TDRD3: variants seen among roughly 807,000 people sequenced by gnomAD.
TDRD3 encodes the protein tudor domain-containing protein 3.
Under a neutral mutation model 86.7 loss-of-function variants are expected in TDRD3, and 45 were observed. The ratio of observed to expected loss-of-function variants is 0.52; its 90% CI spans 0.41 to 0.67. The LOEUF is 0.67. TDRD3 is among the 30% of genes least tolerant of loss of function. The pLI is 0.00. For synonymous variants in TDRD3, 298 were observed against 301.7 expected, an observed-to-expected ratio of 0.99 and a Z score of 0.13; for missense variants, 814 against 889.0, an observed-to-expected ratio of 0.92 and a Z score of 1.07.
chr13:60,553,847 T>A (rs777303985), intron 12 of TDRD3, among the ~76,000 whole-genome samples: 8 of 151,984 alleles, frequency 5.3e-5, no homozygotes, highest in Non-Finnish European at 1.2e-4. Context: ...GGACACAGAG[T>A]CAAACTATAT....
At position 60,485,774 on chromosome 13, in the gene TDRD3, G is replaced by C. The variant is rs368978903; in HGVS notation, c.568-25G>C. 168 of 1,537,360 alleles carry C rather than the reference G, an allele frequency of 1.1e-4. 1 individual carries two copies. Among genetic ancestry groups the C allele is most frequent in the Middle Eastern group, 7.1e-4 (4 of 5,644 alleles). On this transcript the variant is annotated intron_variant, in intron 6 of 13. Coordinates refer to ENST00000377881, the MANE Select transcript of TDRD3 (RefSeq NM_001146070.2). Reference sequence around the variant, plus strand: ...GAATCTCTTTTGGAACTACTAAGTTGACTTATTCTTACTTGTTTTACTAGA... The same window carrying C: ...GAATCTCTTTTGGAACTACTAAGTTCACTTATTCTTACTTGTTTTACTAGA...
At chr13:60,489,600 C>A (rs533186834) in intron 7 of TDRD3, among the ~76,000 whole-genome samples, 2 of 152,186 alleles carry the variant, frequency 1.3e-5, no homozygotes, top group South Asian at 4.1e-4. Flanking sequence ...ATGGTACCTA[C>A]TTCATATGTG....
At chr13:60,520,419 G>T (rs1204963893) in intron 10 of TDRD3, among the ~76,000 whole-genome samples, 1 of 152,130 alleles carries the variant, frequency 6.6e-6, no homozygotes, top group Non-Finnish European at 1.5e-5. Context: ...TCTAGCCCAA[G>T]ATCTTTGTAT....
At position 60,441,902 on chromosome 13, in the gene TDRD3, C is replaced by T. The variant is rs150499727; in HGVS notation, c.126+2130C>T. Among the ~76,000 whole-genome samples, 844 of 152,154 alleles carry T rather than the reference C, an allele frequency of 5.5e-3. 4 individuals are homozygous for T. The highest frequency in any genetic ancestry group is 0.024 in the Middle Eastern group (7 of 294). ...CGCAAAGGTACCAGAATTTCAGATC[C>T]CTCCCAGAAAACAGATGTCCACCAT... On this transcript the variant is annotated intron_variant, in intron 2 of 13. Transcript: ENST00000377881.
At chr13:60,458,788 G>A (rs1374490476) in intron 3 of TDRD3, among the ~76,000 whole-genome samples, 1 of 152,140 alleles carries the variant, frequency 6.6e-6, no homozygotes, top group Non-Finnish European at 1.5e-5. Context: ...ATAGCTACAT[G>A]TGGCTGGAGG....
intron 10 of TDRD3, among the ~76,000 whole-genome samples, chr13:60,514,352 G>A (rs1957124446): frequency 6.6e-6 from 1 of 152,134 alleles, no homozygotes; most frequent in Admixed American, 6.6e-5. Flanking sequence ...ATAAAAGTTT[G>A]GAAAATTTAT....
At chr13:60,479,417 A>AT (rs1031280381) in intron 5 of TDRD3, among the ~76,000 whole-genome samples, 5 of 152,190 alleles carry the variant, frequency 3.3e-5, no homozygotes, top group African/African-American at 9.7e-5. Flanking sequence ...GTGGCCAAGC[A>AT]TTTGGTCAAT....
intron 1 of TDRD3, 120 bp from the exon 2 acceptor site, chr13:60,439,568 C>G (rs1566192142): frequency 1.5e-6 from 1 of 677,594 alleles, no homozygotes; most frequent in Non-Finnish European, 2.5e-6. Flanking sequence ...ATCCAAGACT[C>G]TTTCCCTAGT....
At chr13:60,567,450 G>A in intron 12 of TDRD3, 75 bp from the exon 13 acceptor site, 10 of 1,590,454 alleles carry the variant, frequency 6.3e-6, no homozygotes, top group East Asian at 2.2e-5. Context: ...ATTAAAATAG[G>A]GACCATACAA....
chr13:60,473,777 C>T (rs1012858648), intron 5 of TDRD3, among the ~76,000 whole-genome samples: 1 of 152,174 alleles, frequency 6.6e-6, no homozygotes, highest in African/African-American at 2.4e-5. Context: ...GCTCCCTGGT[C>T]TAGCGGACAA....
intron 10 of TDRD3, among the ~76,000 whole-genome samples, chr13:60,524,425 T>G (rs1957359908): frequency 6.6e-6 from 1 of 151,488 alleles, no homozygotes; most frequent in Admixed American, 6.6e-5. Context: ...GATAATCACT[T>G]GAACCCGGGA....
chr13:60,445,116 G>A (rs1955369382), intron 3 of TDRD3, among the ~76,000 whole-genome samples: 1 of 151,920 alleles, frequency 6.6e-6, no homozygotes, highest in Non-Finnish European at 1.5e-5. Context: ...TTTATTTAAT[G>A]AACTTATTAT....
At chr13:60,465,021 A>G (rs1009353431) in intron 4 of TDRD3, among the ~76,000 whole-genome samples, 2 of 152,196 alleles carry the variant, frequency 1.3e-5, no homozygotes, top group Non-Finnish European at 2.9e-5. Flanking sequence ...ATCATTACAC[A>G]TTGTATATAT....
chr13:60,492,008 CA>C (rs1394410266), intron 7 of TDRD3, among the ~76,000 whole-genome samples: 2 of 151,802 alleles, frequency 1.3e-5, no homozygotes, highest in Non-Finnish European at 1.5e-5. Context: ...ATAATATGAG[CA>C]AAAAGATGTG....
intron 13 of TDRD3, among the ~76,000 whole-genome samples, chr13:60,572,519 AAG>A (rs1449024732): frequency 6.6e-6 from 1 of 152,174 alleles, no homozygotes; most frequent in Non-Finnish European, 1.5e-5. Context: ...CTGCTGTGAA[AAG>A]AGAGATGGCA....
chr13:60,487,401 G>A (rs1053780276), intron 7 of TDRD3, among the ~76,000 whole-genome samples: 6 of 152,032 alleles, frequency 3.9e-5, no homozygotes, highest in Non-Finnish European at 7.4e-5. Context: ...ACTTGAACTC[G>A]GAAGGCGGAG....
At chr13:60,463,522 A>C (rs1182010714) in intron 4 of TDRD3, among the ~76,000 whole-genome samples, 1 of 152,146 alleles carries the variant, frequency 6.6e-6, no homozygotes, top group Admixed American at 6.6e-5. Context: ...GGATTAAATC[A>C]AACTAAAAAG....
chr13:60,528,247 GGAA>G lies in TDRD3; in HGVS notation c.1142-114_1142-112del, dbSNP rs1053558243. 7.6e-5 allele frequency: 87 copies of G among 1,145,434 alleles called. No individual in the cohort carries two copies. The African/African-American group carries it at 1.2e-3, about 16-fold the overall frequency. The allele number at this position is 1,145,434 out of a possible 1,614,324, so 71.0% of individuals were successfully genotyped here. ...GAGTAAGATAATGAGGTAGGAAGATGGAAGAAGATTTTAGAATAGTAGTTTGAT... is the reference window on the plus strand; with the variant it reads ...GAGTAAGATAATGAGGTAGGAAGATGGAAGATTTTAGAATAGTAGTTTGAT... On this transcript the variant is annotated intron_variant, in intron 10 of 13. Coordinates refer to ENST00000377881, the MANE Select transcript of TDRD3 (RefSeq NM_001146070.2).
At chr13:60,516,820 T>G (rs973692813) in intron 10 of TDRD3, among the ~76,000 whole-genome samples, 4 of 152,178 alleles carry the variant, frequency 2.6e-5, no homozygotes, top group African/African-American at 9.7e-5. Flanking sequence ...CATCAAGGCT[T>G]TCATCGGCTT....
Sources: allele counts gnomAD v4.1 joint callset (sites outside exome capture counted in the v4.1 genomes callset), GRCh38; gene constraint gnomAD v4.1.1; transcripts MANE v1.5; gene names NCBI Gene and HGNC (gene_info 2026-07-23, HGNC 2026-07-21).